NSD3: variants seen among roughly 807,000 people sequenced by gnomAD.
NSD3 encodes nuclear receptor binding SET domain protein 3.
In NSD3, 24 loss-of-function variants were observed where a neutral mutation model predicts 160.8. The observed-to-expected ratio is 0.15, with a 90% CI of 0.11 to 0.21. The LOEUF is 0.21. Ranked by LOEUF, NSD3 falls within the 10% of genes least tolerant of loss-of-function variation. The pLI, the probability that NSD3 is intolerant of heterozygous loss-of-function variation, is 1.00. For synonymous variants in NSD3, 520 were observed against 600.0 expected, an observed-to-expected ratio of 0.87 and a Z score of 1.95; for missense variants, 1,157 against 1,735.9, an observed-to-expected ratio of 0.67 and a Z score of 5.93.
chr8:38,295,012 C>T (rs892848066), intron 16 of NSD3, among the ~76,000 whole-genome samples: 1 of 151,260 alleles, frequency 6.6e-6, no homozygotes, highest in Non-Finnish European at 1.5e-5. Flanking sequence ...GGCATGGTAG[C>T]GGGCGCCTGT....
intron 1 of NSD3, among the ~76,000 whole-genome samples, chr8:38,358,301 T>G (rs1374909621): frequency 6.6e-6 from 1 of 152,096 alleles, no homozygotes; most frequent in African/African-American, 2.4e-5. Flanking sequence ...TGGTGGAATA[T>G]AATATGATTT....
At position 38,275,303 on chromosome 8, in the gene NSD3, C is replaced by T. The variant is rs901393116; in HGVS notation, c.*338G>A. On this transcript the variant is annotated 3_prime_UTR_variant, in exon 24 of 24. Transcript: ENST00000317025. ...ATACAACCAAGGAACACATCTTAGA[C>T]TTTAAATTTATCTCATTAACAAAAC... The T allele has an allele frequency of 3.4e-6, 1 of 296,862 alleles. No individual in the cohort carries two copies. Among genetic ancestry groups the T allele is most frequent in the African/African-American group, 2.1e-5 (1 of 46,776 alleles). 18.4% of individuals were successfully genotyped at this position (296,862 alleles called of 1,614,324 possible).
At chr8:38,298,777 G>A (rs753662370) in intron 15 of NSD3, among the ~76,000 whole-genome samples, 3 of 152,170 alleles carry the variant, frequency 2.0e-5, no homozygotes, top group South Asian at 2.1e-4. Flanking sequence ...TCTTCCATAG[G>A]TTAAATTAAC....
Position 38,288,699 on chromosome 8 carries a change from G to T in NSD3, c.3289C>A (p.Arg1097Ser). Residue 1097 changes from arginine to serine, a missense_variant, in exon 19 of 24, where the codon CGC becomes AGC. Physicochemically the swap from Arg to Ser is moderately radical, Grantham distance 110. Around this residue, in one of 10 missense-constraint regions of NSD3, gnomAD observed 437 missense variants for 576.6 expected, o/e 0.76. Transcript: ENST00000317025. The surrounding 1 kb of genome is among the most constrained non-coding windows in gnomAD (Gnocchi z 4.5). ...TCATCAGCTGGCTTGCAGTTACAGC[G>T]GGGAATCTCTGACAGGTCAGCAACC... Reference protein sequence around the residue: ...IQVADLSEIPRCNCKPADENP... With the variant: ...IQVADLSEIPSCNCKPADENP... The T allele has an allele frequency of 6.2e-7, 1 of 1,614,146 alleles. No individual in the cohort carries two copies. Among genetic ancestry groups the T allele is most frequent in the Non-Finnish European group, 8.5e-7 (1 of 1,180,036 alleles).
intron 12 of NSD3, among the ~76,000 whole-genome samples, chr8:38,312,241 C>T (rs1420145466): frequency 2.0e-5 from 3 of 152,096 alleles, no homozygotes; most frequent in African/African-American, 7.2e-5. Flanking sequence ...CTTTGTTCTA[C>T]CCAACTGTTT....
chr8:38,316,883 T>C lies in NSD3; in HGVS notation c.1856-841A>G. ...CAAAAAGTTACAAAGCAACAATCTC[T>C]TGGGCTAATGCAGTATAGGCTATAC... On this transcript the variant is annotated intron_variant, in intron 9 of 23. Coordinates refer to ENST00000317025, the MANE Select transcript of NSD3 (RefSeq NM_023034.2). This position sits in a 1 kb window ranked among gnomAD's most constrained non-coding sequence, Gnocchi z 4.5. The C allele has an allele frequency of 2.8e-6, 3 of 1,062,306 alleles. No individual in the cohort carries two copies. Among genetic ancestry groups the C allele is most frequent in the Non-Finnish European group, 3.4e-6 (3 of 877,162 alleles). 65.8% of individuals were successfully genotyped at this position (1,062,306 alleles called of 1,614,324 possible).
In NSD3 at chr8:38,290,642, A is replaced by G; in HGVS notation, c.2951T>C (p.Val984Ala). The change falls in exon 17 of 24, where the codon GTG becomes GCG. Residue 984 changes from valine (V) to alanine (A), a missense_variant. By Grantham distance (64) the Val-to-Ala change is moderately conservative. This residue lies in a region of NSD3 where 437 missense variants were observed against 576.6 expected (regional missense o/e 0.76). Transcript: ENST00000317025. ...WPAEICNPRSVPLNIQGLKHD... is the reference protein window; with the variant it reads ...WPAEICNPRSAPLNIQGLKHD... ...TTTAAGGCCCTGGATGTTCAGTGGC[A>G]CAGACCTGGGGTTGCAGATCTCTGC... 1 of 1,613,964 alleles carries G rather than the reference A, an allele frequency of 6.2e-7. No homozygotes were observed. Among genetic ancestry groups the G allele is most frequent in the East Asian group, 2.2e-5 (1 of 44,884 alleles).
intron 19 of NSD3, among the ~76,000 whole-genome samples, chr8:38,283,004 A>G (rs1808767612): frequency 6.6e-6 from 1 of 152,186 alleles, no homozygotes; most frequent in African/African-American, 2.4e-5. Flanking sequence ...GCTGCACCAT[A>G]TGGTGAGTGT....
Position 38,338,466 on chromosome 8 carries a change from G to A in NSD3, c.747+70C>T, listed in dbSNP as rs931599941. 94 of 1,245,962 alleles carry A rather than the reference G, an allele frequency of 7.5e-5. No individual in the cohort carries two copies. In the Middle Eastern group the frequency reaches 9.5e-4, roughly 13 times the overall value. 77.2% of individuals were successfully genotyped at this position (1,245,962 alleles called of 1,614,324 possible). ...AGCGTAGTACCAATACAATTGTGTT[G>A]CAATTCAATCACTGTGTTTCACCTT... On this transcript the variant is annotated intron_variant, in intron 3 of 23. Coordinates refer to ENST00000317025, the MANE Select transcript of NSD3 (RefSeq NM_023034.2).
At chr8:38,326,975 G>T in intron 6 of NSD3, 119 bp from the exon 7 acceptor site, 1 of 1,083,098 alleles carries the variant, frequency 9.2e-7, no homozygotes, top group Non-Finnish European at 1.3e-6. Context: ...TATGGTCTTT[G>T]ATTGCAATTA....
At chr8:38,287,624 C>T (rs1020102674) in intron 19 of NSD3, among the ~76,000 whole-genome samples, 23 of 151,108 alleles carry the variant, frequency 1.5e-4, no homozygotes, top group African/African-American at 4.9e-4. Flanking sequence ...TTCTTTACTA[C>T]ATTAGATGGC....
rs1326193600 is a variant in NSD3 at position 38,275,872 on chromosome 8, C to T, written c.4083G>A (p.Glu1361=). The T allele has an allele frequency of 8.7e-6, 14 of 1,613,484 alleles. No individual in the cohort carries two copies. The highest frequency in any genetic ancestry group is 1.1e-5 in the Non-Finnish European group (13 of 1,179,610). The part of the protein sequence containing the change: ...NLTQPPYGKW[E]CPWHQCDECS... The stretch of plus-strand genomic sequence containing the variant: ...ACTCATCGCACTGATGCCACGGACA[C>T]TCCCACTTTCCTAATTCGGGGAGAT... The change falls in exon 24 of 24, where the codon GAG becomes GAA. Residue 1361 remains glutamate, a synonymous_variant. Transcript: ENST00000317025.
intron 22 of NSD3, 119 bp downstream of exon 22, chr8:38,278,187 C>G (rs1433545300): frequency 1.4e-6 from 1 of 713,966 alleles, no homozygotes; most frequent in Non-Finnish European, 2.2e-6. Flanking sequence ...ATCTGCCCGC[C>G]TTGGCCTCCC....
At chr8:38,349,354 C>CT (rs1361489583) in intron 1 of NSD3, among the ~76,000 whole-genome samples, 5 of 151,610 alleles carry the variant, frequency 3.3e-5, no homozygotes, top group Non-Finnish European at 7.4e-5. Context: ...TTTCTTTACT[C>CT]TTTTTTTCAA....
chr8:38,299,145 A>G (rs1809224242), intron 15 of NSD3, among the ~76,000 whole-genome samples: 1 of 152,258 alleles, frequency 6.6e-6, no homozygotes, highest in South Asian at 2.1e-4. Flanking sequence ...AACATTTAGA[A>G]TATGATTCTA....
In NSD3 at chr8:38,317,157, C is replaced by T; in HGVS notation, c.1856-1115G>A. 3.8e-6 allele frequency: 4 copies of T among 1,063,404 alleles called. No individual in the cohort carries two copies. The highest frequency in any genetic ancestry group is 4.6e-6 in the Non-Finnish European group (4 of 877,932). The allele number at this position is 1,063,404 out of a possible 1,614,324, so 65.9% of individuals were successfully genotyped here. A position where few individuals can be genotyped will look rare whatever the true frequency, so the allele number is the denominator to read the frequency against. The stretch of plus-strand genomic sequence containing the variant: ...GGCTGAGTGAGAGTAGCACTTGGAA[C>T]ATAGCCACGTTCTGTGGTGGAGGAG... On this transcript the variant is annotated intron_variant, in intron 9 of 23. Transcript: ENST00000317025. The surrounding 1 kb of genome is among the most constrained non-coding windows in gnomAD (Gnocchi z 5.3).
chr8:38,323,195 C>T (rs1156659338), intron 7 of NSD3, among the ~76,000 whole-genome samples: 1 of 152,156 alleles, frequency 6.6e-6, no homozygotes, highest in Non-Finnish European at 1.5e-5. Context: ...GCTGGGATTA[C>T]AGGCGTGCGC....
intron 20 of NSD3, 123 bp from the exon 21 acceptor site, chr8:38,279,804 C>A: frequency 1.8e-6 from 2 of 1,087,110 alleles, no homozygotes; most frequent in Admixed American, 2.6e-5. Flanking sequence ...ACTGACAGAT[C>A]AGGAAATGTG....
chr8:38,381,159 A>G (rs1263028590), intron 1 of NSD3, among the ~76,000 whole-genome samples: 1 of 152,036 alleles, frequency 6.6e-6, no homozygotes, highest in South Asian at 2.1e-4. Flanking sequence ...CGCTAAGTCG[A>G]TCGTTCTCAT....
Sources: gnomAD v4.1 joint callset for allele counts (sites outside exome capture counted in the v4.1 genomes callset) on GRCh38, gnomAD v4.1.1 for gene constraint, gnomAD v4.1.1 regional missense constraint, Gnocchi (gnomAD v3.1) non-coding constraint, MANE v1.5 for transcripts, NCBI Gene and HGNC (gene_info 2026-07-23, HGNC 2026-07-21) for gene names.